GAB2: variants seen among roughly 807,000 people sequenced by gnomAD.
GAB2 encodes the protein GRB2-associated-binding protein 2.
A neutral mutation model predicts 65.5 loss-of-function variants in GAB2; 26 were observed. The observed-to-expected ratio is 0.40, with a 90% CI of 0.29 to 0.55. GAB2 has a LOEUF of 0.55. Among genes scored for constraint, GAB2 ranks in the 20% least tolerant of loss-of-function variants. The pLI is 0.53. For missense variants in GAB2, 884 were observed against 875.8 expected, an observed-to-expected ratio of 1.01 and a Z score of -0.12; for synonymous variants, 321 against 329.6, an observed-to-expected ratio of 0.97 and a Z score of 0.28.
intron 1 of GAB2, among the ~76,000 whole-genome samples, chr11:78,358,162 G>A (rs1353258800): frequency 6.6e-6 from 1 of 151,824 alleles, no homozygotes; most frequent in Non-Finnish European, 1.5e-5. Context: ...GGATGAAGCT[G>A]GAAACCATCA....
At chr11:78,252,525 G>C (rs1265851698) in intron 2 of GAB2, among the ~76,000 whole-genome samples, 1 of 152,166 alleles carries the variant, frequency 6.6e-6, no homozygotes, top group Admixed American at 6.5e-5. Context: ...GTGAGATTCT[G>C]TATTCTCTGT....
chr11:78,319,229 A>G (rs1361670563), intron 1 of GAB2, among the ~76,000 whole-genome samples: 1 of 152,212 alleles, frequency 6.6e-6, no homozygotes, highest in Non-Finnish European at 1.5e-5. Flanking sequence ...TAAACCAGCT[A>G]AAAGATTTTC....
intron 1 of GAB2, among the ~76,000 whole-genome samples, chr11:78,396,983 T>G (rs1005396676): frequency 6.6e-6 from 1 of 152,120 alleles, no homozygotes; most frequent in Admixed American, 6.5e-5. Flanking sequence ...ATAGCACATA[T>G]AAATACAGGA....
At chr11:78,252,968 T>C (rs1351282751) in intron 2 of GAB2, among the ~76,000 whole-genome samples, 2 of 151,864 alleles carry the variant, frequency 1.3e-5, no homozygotes, top group African/African-American at 2.4e-5. Context: ...CTTAAAACTC[T>C]TCTGTTATAC....
At chr11:78,242,771 A>G (rs972418948) in intron 3 of GAB2, among the ~76,000 whole-genome samples, 3 of 152,256 alleles carry the variant, frequency 2.0e-5, no homozygotes, top group Non-Finnish European at 4.4e-5. Flanking sequence ...GAGACAAAAT[A>G]AAACTGATCA....
At chr11:78,337,628 A>G (rs539816011) in intron 1 of GAB2, among the ~76,000 whole-genome samples, 19 of 152,338 alleles carry the variant, frequency 1.2e-4, no homozygotes, top group Non-Finnish European at 2.5e-4. Flanking sequence ...AGAAAGCATC[A>G]TTCTAGTAAC....
intron 3 of GAB2, among the ~76,000 whole-genome samples, chr11:78,231,344 T>G (rs1462491962): frequency 4.0e-4 from 61 of 151,492 alleles, no homozygotes; most frequent in African/African-American, 1.4e-3. Flanking sequence ...GTGGTGTGTG[T>G]GTGTGTGTGT....
intron 3 of GAB2, among the ~76,000 whole-genome samples, chr11:78,240,342 A>G (rs1437454371): frequency 6.6e-6 from 1 of 152,018 alleles, no homozygotes; most frequent in African/African-American, 2.4e-5. Flanking sequence ...GCCCTAGCTG[A>G]GCTGAGAGGG....
At chr11:78,352,446 C>T (rs200517320) in intron 1 of GAB2, among the ~76,000 whole-genome samples, 1 of 152,286 alleles carries the variant, frequency 6.6e-6, no homozygotes, top group Non-Finnish European at 1.5e-5. Flanking sequence ...GCCCTGCTTG[C>T]CTAGCAAGTT....
intron 1 of GAB2, among the ~76,000 whole-genome samples, chr11:78,302,244 G>C (rs1468292629): frequency 1.3e-5 from 2 of 152,168 alleles, no homozygotes; most frequent in Non-Finnish European, 2.9e-5. Flanking sequence ...AGTCAGCAGA[G>C]TAAACAGGCC....
At chr11:78,258,808 A>G (rs1369193302) in intron 2 of GAB2, among the ~76,000 whole-genome samples, 2 of 152,190 alleles carry the variant, frequency 1.3e-5, no homozygotes, top group East Asian at 3.9e-4. Context: ...TGAATCAGTT[A>G]TAATTCCATA....
At chr11:78,341,453 G>A (rs1200636019) in intron 1 of GAB2, among the ~76,000 whole-genome samples, 1 of 152,156 alleles carries the variant, frequency 6.6e-6, no homozygotes, top group Non-Finnish European at 1.5e-5. Context: ...TGAATCACTA[G>A]TAGACCCTGG....
intron 1 of GAB2, among the ~76,000 whole-genome samples, chr11:78,357,155 T>C (rs140683270): frequency 0.011 from 1,644 of 152,272 alleles, 15 homozygotes; most frequent in Non-Finnish European, 0.016. Flanking sequence ...TGATGTTATA[T>C]ATGTTTCATT....
chr11:78,240,557 G>A (rs577899749), intron 3 of GAB2, among the ~76,000 whole-genome samples: 1 of 152,134 alleles, frequency 6.6e-6, no homozygotes, highest in Non-Finnish European at 1.5e-5. Flanking sequence ...CTGCCCCTCT[G>A]TAGCCCAAAA....
intron 1 of GAB2, among the ~76,000 whole-genome samples, chr11:78,383,309 A>C (rs1856720866): frequency 6.6e-6 from 1 of 152,110 alleles, no homozygotes; most frequent in South Asian, 2.1e-4. Context: ...ATCTTCCAGA[A>C]AAGGCTGCAA....
At chr11:78,286,609 T>G (rs934080490) in intron 1 of GAB2, among the ~76,000 whole-genome samples, 3 of 149,732 alleles carry the variant, frequency 2.0e-5, no homozygotes, top group African/African-American at 7.4e-5. Context: ...ATGAATATGT[T>G]AATTTGTTCA....
intron 1 of GAB2, among the ~76,000 whole-genome samples, chr11:78,303,427 CCTTTT>C (rs1191662128): frequency 6.6e-6 from 1 of 152,040 alleles, no homozygotes; most frequent in African/African-American, 2.4e-5. Context: ...AAAGAAATAT[CCTTTT>C]CTTATCAAAT....
chr11:78,321,040 T>C (rs1218580435), intron 1 of GAB2, among the ~76,000 whole-genome samples: 2 of 152,188 alleles, frequency 1.3e-5, no homozygotes, highest in Non-Finnish European at 2.9e-5. Context: ...GGTTTCTAGC[T>C]TGAGCCAACT....
intron 1 of GAB2, among the ~76,000 whole-genome samples, chr11:78,290,709 G>A (rs542532488): frequency 2.6e-4 from 39 of 152,278 alleles, no homozygotes; most frequent in Non-Finnish European, 4.4e-4. Context: ...ATAAAGGGCC[G>A]CCAATATGTG....
Sources: allele counts gnomAD v4.1 joint callset (sites outside exome capture counted in the v4.1 genomes callset), GRCh38; gene constraint gnomAD v4.1.1; transcripts MANE v1.5; gene names NCBI Gene and HGNC (gene_info 2026-07-23, HGNC 2026-07-21).